RIGI: variants seen among roughly 807,000 people sequenced by gnomAD.
The protein encoded by RIGI is RNA sensor RIG-I, also known as antiviral innate immune response receptor RIG-I.
chr9:32,479,830 C>G, the RIGI span, among the ~76,000 whole-genome samples: 1 of 137,330 alleles, frequency 7.3e-6, no homozygotes, highest in Non-Finnish European at 1.6e-5. Context: ...AAGCAAGACT[C>G]CATCTCAAAA....
At chr9:32,521,644 C>T in the RIGI span, among the ~76,000 whole-genome samples, 5 of 152,028 alleles carry the variant, frequency 3.3e-5, no homozygotes, top group African/African-American at 1.2e-4. Flanking sequence ...TACAGACAGA[C>T]ATGTTAGGCT....
At chr9:32,485,524 C>A in the RIGI span, 2 of 503,138 alleles carry the variant, frequency 4.0e-6, no homozygotes, top group Non-Finnish European at 7.3e-6. Flanking sequence ...GTAGGTCTAA[C>A]TAGCTTCTTT....
the RIGI span, chr9:32,500,949 GA>G: frequency 6.2e-7 from 1 of 1,609,758 alleles, no homozygotes; most frequent in African/African-American, 1.3e-5. Flanking sequence ...TCTACAAACA[GA>G]AGCAAAAATG....
chr9:32,508,258 T>TTTTTTTTTTTTA, the RIGI span, among the ~76,000 whole-genome samples: 903 of 137,930 alleles, frequency 6.5e-3, 32 homozygotes, highest in African/African-American at 0.024. Context: ...TTTTTTTTTT[T>TTTTTTTTTTTTA]ACTATATGAA....
At chr9:32,482,885 G>A in the RIGI span, among the ~76,000 whole-genome samples, 1 of 151,786 alleles carries the variant, frequency 6.6e-6, no homozygotes, top group African/African-American at 2.4e-5. Context: ...GGAGATTTAG[G>A]ACTCAGTTCA....
chr9:32,484,953 C>T, the RIGI span, among the ~76,000 whole-genome samples: 2 of 151,952 alleles, frequency 1.3e-5, no homozygotes, highest in Non-Finnish European at 2.9e-5. Flanking sequence ...TTTTCAGGTG[C>T]ATGTGTCTGG....
chr9:32,504,902 AG>A, the RIGI span, among the ~76,000 whole-genome samples: 1 of 140,508 alleles, frequency 7.1e-6, no homozygotes. Flanking sequence ...AATATATAAA[AG>A]TATATATTAT....
At chr9:32,501,084 CA>C in the RIGI span, 2 of 1,030,080 alleles carry the variant, frequency 1.9e-6, no homozygotes, top group Non-Finnish European at 2.8e-6. Context: ...GGAGAAGCAG[CA>C]AAACCTCTGC....
chr9:32,480,097 C>T, the RIGI span: 1 of 1,055,940 alleles, frequency 9.5e-7, no homozygotes, highest in Non-Finnish European at 1.3e-6. Context: ...CATCTTCCTA[C>T]ATCCAGGACA....
chr9:32,519,893 C>A, the RIGI span, among the ~76,000 whole-genome samples: 2 of 152,102 alleles, frequency 1.3e-5, no homozygotes, highest in African/African-American at 2.4e-5. Context: ...AAAATATGTA[C>A]ATACAAGTGT....
the RIGI span, among the ~76,000 whole-genome samples, chr9:32,496,425 C>T: frequency 1.3e-5 from 2 of 152,160 alleles, no homozygotes; most frequent in African/African-American, 4.8e-5. Context: ...CTGATGTGTG[C>T]AGACATCATC....
chr9:32,481,996 T>A, the RIGI span, among the ~76,000 whole-genome samples: 1 of 151,990 alleles, frequency 6.6e-6, no homozygotes, highest in Non-Finnish European at 1.5e-5. Context: ...GGAAGCAGGG[T>A]ACCTGAGGTG....
At chr9:32,496,416 T>G in the RIGI span, among the ~76,000 whole-genome samples, 1 of 152,198 alleles carries the variant, frequency 6.6e-6, no homozygotes, top group Non-Finnish European at 1.5e-5. Context: ...TCACCCTCAC[T>G]GATGTGTGCA....
chr9:32,516,787 T>G, the RIGI span, among the ~76,000 whole-genome samples: 3 of 152,228 alleles, frequency 2.0e-5, no homozygotes, highest in Non-Finnish European at 2.9e-5. Flanking sequence ...GTGTCTTTTT[T>G]GGGTACCAGA....
the RIGI span, chr9:32,485,248 G>A: frequency 1.2e-6 from 2 of 1,604,048 alleles, no homozygotes; most frequent in Non-Finnish European, 8.5e-7. Context: ...ATTTAAATTT[G>A]TCGCTAATCC....
the RIGI span, among the ~76,000 whole-genome samples, chr9:32,476,424 G>T: frequency 6.6e-6 from 1 of 152,092 alleles, no homozygotes; most frequent in Non-Finnish European, 1.5e-5. Context: ...AGAATCGCTT[G>T]AGTTTGAGAG....
chr9:32,457,083 G>T, the RIGI span: 1 of 1,533,136 alleles, frequency 6.5e-7, no homozygotes, highest in Non-Finnish European at 9.0e-7. Context: ...TCCACTCAAA[G>T]TTACTCATTC....
the RIGI span, among the ~76,000 whole-genome samples, chr9:32,512,034 A>T: frequency 6.6e-6 from 1 of 152,216 alleles, no homozygotes; most frequent in Non-Finnish European, 1.5e-5. Flanking sequence ...AACCAGGAAG[A>T]AGTCAAATCC....
At chr9:32,507,746 A>G in the RIGI span, among the ~76,000 whole-genome samples, 1 of 151,970 alleles carries the variant, frequency 6.6e-6, no homozygotes, top group Non-Finnish European at 1.5e-5. Context: ...TCGGGGCTCA[A>G]GCAATCCTCC....
Sources: allele counts gnomAD v4.1 joint callset (sites outside exome capture counted in the v4.1 genomes callset), GRCh38; gene constraint gnomAD v4.1.1; transcripts MANE v1.5; gene names NCBI Gene and HGNC (gene_info 2026-07-23, HGNC 2026-07-21).